KPNA1: variants seen among roughly 807,000 people sequenced by gnomAD.
The protein encoded by KPNA1 is karyopherin subunit alpha 1.
A neutral mutation model predicts 70.5 loss-of-function variants in KPNA1; 10 were observed. That is an observed-to-expected ratio of 0.14 (90% CI 0.09 to 0.24). The LOEUF is 0.24. Among genes scored for constraint, KPNA1 ranks in the 10% least tolerant of loss-of-function variants. The pLI is 1.00. For missense variants in KPNA1, 397 were observed against 637.9 expected (o/e 0.62, Z 4.07); for synonymous variants, 192 against 221.9 (o/e 0.87, Z 1.20).
chr3:122,510,594 T>C (rs1389634485), intron 1 of KPNA1, among the ~76,000 whole-genome samples: 2 of 152,212 alleles, frequency 1.3e-5, no homozygotes, highest in Admixed American at 6.5e-5. Flanking sequence ...ATTTGGAGGA[T>C]GGTAGAGACA....
chr3:122,457,267 A>C (rs1292777950), intron 5 of KPNA1, among the ~76,000 whole-genome samples: 1 of 152,158 alleles, frequency 6.6e-6, no homozygotes, highest in Middle Eastern at 3.2e-3. Flanking sequence ...AGAATTTAAC[A>C]TGAAATAGTT....
At chr3:122,498,608 A>G (rs1047317784) in intron 1 of KPNA1, among the ~76,000 whole-genome samples, 1 of 152,196 alleles carries the variant, frequency 6.6e-6, no homozygotes, top group African/African-American at 2.4e-5. Context: ...CCACTGATCT[A>G]TATGTGTATC....
intron 2 of KPNA1, among the ~76,000 whole-genome samples, chr3:122,468,944 T>C (rs1417462313): frequency 2.0e-5 from 3 of 151,996 alleles, no homozygotes; most frequent in African/African-American, 7.3e-5. Flanking sequence ...GAACAGAGTA[T>C]CTATGAACTG....
chr3:122,451,752 C>T (rs2076204996), intron 7 of KPNA1, 119 bp from the exon 8 acceptor site: 3 of 736,596 alleles, frequency 4.1e-6, no homozygotes, highest in Non-Finnish European at 2.2e-6. Context: ...TTCTCCAGAA[C>T]ATTAAAACTT....
In KPNA1 at chr3:122,427,653, CTT is replaced by C; in HGVS notation, c.1312_1313del (p.Lys438AspfsTer28). On this transcript the variant is annotated frameshift_variant, in exon 13 of 14. Transcript: ENST00000344337. LOFTEE classifies it high-confidence loss of function. ...LCDLLTVMDSKIVQVALNGLE... is the reference protein window; with the variant it reads ...LCDLLTVMDSXIVQVALNGLE... Reference sequence around the variant, plus strand: ...AGCCATTTAGGGCAACCTGTACAATCTTAGAGTCCATGACCGTGAGGAGATCA... The same window carrying C: ...AGCCATTTAGGGCAACCTGTACAATCAGAGTCCATGACCGTGAGGAGATCA... The C allele has an allele frequency of 6.2e-7, 1 of 1,614,138 alleles. No homozygotes were observed. Among genetic ancestry groups the C allele is most frequent in the Non-Finnish European group, 8.5e-7 (1 of 1,180,004 alleles).
chr3:122,490,700 C>G (rs2076688457), intron 2 of KPNA1, among the ~76,000 whole-genome samples: 1 of 152,076 alleles, frequency 6.6e-6, no homozygotes, highest in Non-Finnish European at 1.5e-5. Flanking sequence ...TTCTAAATAC[C>G]TCAGAATGCC....
chr3:122,460,074 A>G (rs976772474), intron 5 of KPNA1: 4 of 985,404 alleles, frequency 4.1e-6, no homozygotes, highest in Non-Finnish European at 4.8e-6. Flanking sequence ...AGATAATCCC[A>G]TTTTGTGATC....
intron 10 of KPNA1, among the ~76,000 whole-genome samples, chr3:122,437,812 T>A (rs1465935015): frequency 6.7e-6 from 1 of 150,034 alleles, no homozygotes. Flanking sequence ...GGAGACCTAC[T>A]CTACTAGAAA....
intron 1 of KPNA1, among the ~76,000 whole-genome samples, chr3:122,503,556 T>C (rs529877911): frequency 2.6e-5 from 4 of 152,316 alleles, no homozygotes; most frequent in East Asian, 3.9e-4. Context: ...CAGAAGACAG[T>C]AGACTTCTGT....
chr3:122,459,778 T>G (rs1041581204), intron 5 of KPNA1: 7 of 985,318 alleles, frequency 7.1e-6, no homozygotes, highest in Non-Finnish European at 8.4e-6. Flanking sequence ...CTCTACCTTT[T>G]CTGGATTTCT....
chr3:122,452,717 A>AGGAGAGAC (rs1560028807), intron 6 of KPNA1, among the ~76,000 whole-genome samples: 3 of 110,198 alleles, frequency 2.7e-5, no homozygotes, highest in Admixed American at 8.1e-5. Context: ...GACGGAGGGA[A>AGGAGAGAC]GGAGGGAAGG....
At chr3:122,501,894 C>A (rs1402623331) in intron 1 of KPNA1, among the ~76,000 whole-genome samples, 1 of 152,100 alleles carries the variant, frequency 6.6e-6, no homozygotes, top group African/African-American at 2.4e-5. Context: ...TGCATATATC[C>A]TAGGACCATT....
intron 2 of KPNA1, among the ~76,000 whole-genome samples, chr3:122,488,511 A>G (rs2076656061): frequency 6.6e-6 from 1 of 152,222 alleles, no homozygotes; most frequent in Non-Finnish European, 1.5e-5. Context: ...CAACAGAATG[A>G]GACTCTGTCT....
intron 2 of KPNA1, among the ~76,000 whole-genome samples, chr3:122,488,477 C>T (rs1470903902): frequency 6.6e-6 from 1 of 152,138 alleles, no homozygotes; most frequent in Non-Finnish European, 1.5e-5. Flanking sequence ...TGTAATCACA[C>T]CACTACACTC....
At chr3:122,458,381 C>G (rs2076287184) in intron 5 of KPNA1, among the ~76,000 whole-genome samples, 1 of 152,190 alleles carries the variant, frequency 6.6e-6, no homozygotes, top group Admixed American at 6.5e-5. Flanking sequence ...TAGATTCCAC[C>G]CATGTTCACC....
intron 1 of KPNA1, among the ~76,000 whole-genome samples, chr3:122,499,957 C>T (rs532765680): frequency 2.0e-5 from 3 of 152,266 alleles, no homozygotes; most frequent in East Asian, 1.9e-4. Flanking sequence ...TGTTTCTTTG[C>T]GGGCAGTTCT....
chr3:122,464,208 T>C (rs2076356444), intron 3 of KPNA1, 167 bp from the exon 4 acceptor site: 2 of 405,616 alleles, frequency 4.9e-6, no homozygotes, highest in South Asian at 1.1e-4. Flanking sequence ...TTATTAATAA[T>C]ATAATGAAGC....
At chr3:122,447,497 A>T (rs571626167) in intron 9 of KPNA1, among the ~76,000 whole-genome samples, 1 of 152,328 alleles carries the variant, frequency 6.6e-6, no homozygotes, top group South Asian at 2.1e-4. Flanking sequence ...AACTCTCAAT[A>T]AACTAGGTAT....
intron 1 of KPNA1, among the ~76,000 whole-genome samples, chr3:122,502,844 G>A (rs1306795505): frequency 2.0e-5 from 3 of 152,126 alleles, no homozygotes; most frequent in Non-Finnish European, 4.4e-5. Context: ...TGAGTGGGAC[G>A]CGGTAGTTCA....
Sources: gnomAD v4.1 joint callset for allele counts (sites outside exome capture counted in the v4.1 genomes callset) on GRCh38, gnomAD v4.1.1 for gene constraint, MANE v1.5 for transcripts, NCBI Gene and HGNC (gene_info 2026-07-23, HGNC 2026-07-21) for gene names.